Variants in ARHGAP23 observed in about 807,000 individuals in gnomAD.
The protein encoded by ARHGAP23 is rho GTPase-activating protein 23.
A neutral mutation model predicts 136.3 loss-of-function variants in ARHGAP23; 34 were observed. The ratio of observed to expected loss-of-function variants is 0.25; its 90% CI spans 0.19 to 0.33. ARHGAP23 has a LOEUF of 0.33. ARHGAP23 is among the 10% of genes least tolerant of loss of function. ARHGAP23 has a pLI of 1.00. For missense variants in ARHGAP23, 1,808 were observed against 2,139.0 expected, an observed-to-expected ratio of 0.85 and a Z score of 3.05; for synonymous variants, 832 against 920.5, an observed-to-expected ratio of 0.90 and a Z score of 1.74.
At chr17:38,490,427 A>G in intron 18 of ARHGAP23, 35 bp from the exon 19 acceptor site, 1 of 1,436,422 alleles carries the variant, frequency 7.0e-7, no homozygotes, top group South Asian at 1.2e-5. Context: ...AGGCCCTTAC[A>G]GCCTGTCCCC....
At chr17:38,447,055 T>G (rs1443145262) in intron 1 of ARHGAP23, among the ~76,000 whole-genome samples, 1 of 152,158 alleles carries the variant, frequency 6.6e-6, no homozygotes, top group Non-Finnish European at 1.5e-5. Context: ...TCCCAAACAC[T>G]GGGATTACAG....
chr17:38,458,396 C>T (rs1349999110), intron 2 of ARHGAP23, 133 bp downstream of exon 2: 5 of 1,254,810 alleles, frequency 4.0e-6, no homozygotes, highest in Non-Finnish European at 4.3e-6. Flanking sequence ...GCCTGACTCC[C>T]TTCTGCTGTG....
At chr17:38,428,420 G>A (rs1244151966), upstream of ARHGAP23, 2 of 793,238 alleles carry the variant, frequency 2.5e-6, no homozygotes, top group African/African-American at 1.9e-5. Flanking sequence ...CCCCGGCCCC[G>A]CCCCTCCCGG....
chr17:38,463,236 C>T lies in ARHGAP23; in HGVS notation c.428+40C>T. On this transcript the variant is annotated intron_variant, in intron 5 of 23. Coordinates refer to ENST00000622683, the MANE Select transcript of ARHGAP23 (RefSeq NM_001199417.2). Reference sequence around the variant, plus strand: ...CCCCTCGTCCCATATTATCTCCCCTCCCCTTTGCCCTGGGGATGCCCTGGA... The same window carrying T: ...CCCCTCGTCCCATATTATCTCCCCTTCCCTTTGCCCTGGGGATGCCCTGGA... 4 of 1,550,784 alleles carry T rather than the reference C, an allele frequency of 2.6e-6. No individual in the cohort carries two copies. The South Asian group carries it at 3.6e-5, about 14-fold the overall frequency.
rs1697707699 is a variant in ARHGAP23 at position 38,499,089 on chromosome 17, A to C, written c.3415+579A>C. ...GACATGCCAGTTACCCCTGCCTGTT[A>C]TCCACTTACCCCAGCAGTCCATGCC... On this transcript the variant is annotated intron_variant, in intron 22 of 23. Transcript: ENST00000622683. 9 of 651,418 alleles carry C rather than the reference A, an allele frequency of 1.4e-5. No homozygotes were observed. In the Admixed American group the frequency reaches 2.0e-4, roughly 14 times the overall value. The allele number at this position is 651,418 out of a possible 1,614,324, so 40.4% of individuals were successfully genotyped here. A position where few individuals can be genotyped will look rare whatever the true frequency, so the allele number is the denominator to read the frequency against.
intron 1 of ARHGAP23, among the ~76,000 whole-genome samples, chr17:38,456,477 C>T (rs1270480864): frequency 6.6e-6 from 1 of 152,214 alleles, no homozygotes; most frequent in Non-Finnish European, 1.5e-5. Context: ...CAGCCTTTCT[C>T]CTGTCAGCTG....
intron 11 of ARHGAP23, among the ~76,000 whole-genome samples, chr17:38,476,584 G>T (rs2039896630): frequency 6.6e-6 from 1 of 152,202 alleles, no homozygotes; most frequent in Non-Finnish European, 1.5e-5. Flanking sequence ...GAGACGCTGG[G>T]CTTGGGAATG....
Position 38,466,804 on chromosome 17 carries a change from G to T in ARHGAP23, c.1121G>T (p.Arg374Leu), listed in dbSNP as rs746884437. ...ALGPGALVSP[R>L]FERCGWASQR... is the part of the protein sequence containing the mutation. The stretch of plus-strand genomic sequence containing the variant: ...GGGCCAGGGGCACTGGTGTCACCCC[G>T]CTTTGAGCGGTGTGGCTGGGCTTCC... The change falls in exon 7 of 24, where the codon CGC becomes CTC. Residue 374 changes from arginine to leucine, a missense_variant. Transcript: ENST00000622683. 2.6e-6 allele frequency: 4 copies of T among 1,549,164 alleles called. No homozygotes were observed. Among genetic ancestry groups the T allele is most frequent in the East Asian group, 2.4e-5 (1 of 40,896 alleles).
In ARHGAP23 at chr17:38,510,146, T is replaced by G; in HGVS notation, c.3650T>G (p.Leu1217Arg). ...ACTCAGGAGCGGCCGCAGGGGCCGCTGCCTGGCGCCGTCGCCCCCGAGGCC... is the reference window on the plus strand; with the variant it reads ...ACTCAGGAGCGGCCGCAGGGGCCGCGGCCTGGCGCCGTCGCCCCCGAGGCC... ...PGTQERPQGPLPGAVAPEAPG... is the reference protein window; with the variant it reads ...PGTQERPQGPRPGAVAPEAPG... The change falls in exon 24 of 24, where the codon CTG becomes CGG. Residue 1217 changes from leucine (L) to arginine (R), a missense_variant. Leu to Arg is a moderately radical substitution (Grantham distance 102). Coordinates refer to ENST00000622683, the MANE Select transcript of ARHGAP23 (RefSeq NM_001199417.2). The surrounding 1 kb of genome is among the most constrained non-coding windows in gnomAD (Gnocchi z 4.6). The G allele has an allele frequency of 2.4e-6, 3 of 1,274,362 alleles. No individual in the cohort carries two copies. Among genetic ancestry groups the G allele is most frequent in the South Asian group, 6.2e-5 (2 of 32,192 alleles). The allele number at this position is 1,274,362 out of a possible 1,614,324, so 78.9% of individuals were successfully genotyped here.
rs754752062 is a variant in ARHGAP23 at position 38,510,909 on chromosome 17, G to A, written c.4413G>A (p.Thr1471=). 2 of 1,490,270 alleles carry A rather than the reference G, an allele frequency of 1.3e-6. No homozygotes were observed. The highest frequency in any genetic ancestry group is 2.8e-5 in the East Asian group (1 of 35,712). 92.3% of individuals were successfully genotyped at this position (1,490,270 alleles called of 1,614,324 possible). ...AASQPPAPGD[T]GSLQSQPPRR... ...CGCAGCCGCCCGCGCCCGGGGACAC[G>A]GGGTCCCTGCAGAGCCAGCCCCCGC... The change falls in exon 24 of 24, where the codon ACG becomes ACA. Residue 1471 remains threonine, a synonymous_variant. Transcript: ENST00000622683. The surrounding 1 kb of genome is among the most constrained non-coding windows in gnomAD (Gnocchi z 4.6).
chr17:38,508,532 G>C (rs973939827), intron 23 of ARHGAP23, among the ~76,000 whole-genome samples: 1 of 152,230 alleles, frequency 6.6e-6, no homozygotes. Context: ...TCTGAGCAAA[G>C]CTGGGTGAGG....
chr17:38,492,983 C>A (rs2040310747), intron 20 of ARHGAP23, among the ~76,000 whole-genome samples: 1 of 152,200 alleles, frequency 6.6e-6, no homozygotes, highest in Non-Finnish European at 1.5e-5. Context: ...GTGTCAGGAA[C>A]TGCAGCCTTC....
chr17:38,453,788 C>A (rs2039251193), intron 1 of ARHGAP23: 1 of 144,792 alleles, frequency 6.9e-6, no homozygotes, highest in African/African-American at 2.5e-5. Context: ...GGGCCCCGGG[C>A]CCGCGGCTCC....
Position 38,510,087 on chromosome 17 carries a change from G to A in ARHGAP23, c.3591G>A (p.Ala1197=), listed in dbSNP as rs983323807. Residue 1197 remains alanine (A), a synonymous_variant, in exon 24 of 24, where the codon GCG becomes GCA. Coordinates refer to ENST00000622683, the MANE Select transcript of ARHGAP23 (RefSeq NM_001199417.2). This position sits in a 1 kb window ranked among gnomAD's most constrained non-coding sequence, Gnocchi z 4.6. ...SSTDDDSEQE[A]HKPGAGATAP... ...CCGACGACGACTCGGAGCAGGAGGC[G>A]CACAAGCCTGGGGCGGGGGCCACAG... 2 of 1,240,774 alleles carry A rather than the reference G, an allele frequency of 1.6e-6. No individual in the cohort carries two copies. The highest frequency in any genetic ancestry group is 3.1e-5 in the African/African-American group (2 of 64,308). 76.9% of individuals were successfully genotyped at this position (1,240,774 alleles called of 1,614,324 possible).
intron 12 of ARHGAP23, among the ~76,000 whole-genome samples, chr17:38,478,352 G>A (rs1390913222): frequency 6.6e-6 from 1 of 152,208 alleles, no homozygotes; most frequent in African/African-American, 2.4e-5. Context: ...GAGGCCGAGA[G>A]GCTTGGCCTT....
chr17:38,498,796 G>C (rs2040451346), intron 22 of ARHGAP23: 3 of 659,236 alleles, frequency 4.6e-6, no homozygotes, highest in African/African-American at 1.8e-5. Flanking sequence ...TTTCTCATGG[G>C]CTGGCTGTGT....
At position 38,490,000 on chromosome 17, in the gene ARHGAP23, C is replaced by T. The variant is rs940973149; in HGVS notation, c.2987-102C>T. 3 of 1,119,662 alleles carry T rather than the reference C, an allele frequency of 2.7e-6. No homozygotes were observed. The Admixed American group carries it at 6.0e-5, about 23-fold the overall frequency. 69.4% of individuals were successfully genotyped at this position (1,119,662 alleles called of 1,614,324 possible). ...TGTCGCCCACGCTGGAGCCCCCGAA[C>T]TGGAGGAGTTCAAAACACAGCCCTC... On this transcript the variant is annotated intron_variant, in intron 17 of 23. Transcript: ENST00000622683.
At chr17:38,476,160 G>T (rs1236858225) in intron 11 of ARHGAP23, among the ~76,000 whole-genome samples, 1 of 152,202 alleles carries the variant, frequency 6.6e-6, no homozygotes, top group African/African-American at 2.4e-5. Context: ...CTGAGCAGGG[G>T]AGAGATGTGA....
chr17:38,420,309 C>G (rs1165384681), intron 1 of ARHGAP23, among the ~76,000 whole-genome samples: 1 of 152,242 alleles, frequency 6.6e-6, no homozygotes, highest in Non-Finnish European at 1.5e-5. Flanking sequence ...TACTCCCTTC[C>G]CAACCCCCAC....
Sources: gnomAD v4.1 joint callset for allele counts (sites outside exome capture counted in the v4.1 genomes callset) on GRCh38, gnomAD v4.1.1 for gene constraint, Gnocchi (gnomAD v3.1) non-coding constraint, MANE v1.5 for transcripts, NCBI Gene and HGNC (gene_info 2026-07-23, HGNC 2026-07-21) for gene names.